SLC46A3: variants seen among roughly 807,000 people sequenced by gnomAD.
SLC46A3 encodes solute carrier family 46 member 3.
SLC46A3 carries 26 observed loss-of-function variants against 38.5 expected under a neutral mutation model. The observed-to-expected ratio is 0.68, with a 90% CI of 0.49 to 0.94. The LOEUF (loss-of-function observed/expected upper bound fraction) is 0.94, where lower values mean the gene tolerates loss of function less well. Ranked by LOEUF, SLC46A3 falls within the 40% of genes least tolerant of loss-of-function variation. The pLI is 0.00. For missense variants in SLC46A3, 510 were observed against 544.3 expected, an observed-to-expected ratio of 0.94 and a Z score of 0.63; for synonymous variants, 185 against 192.5, an observed-to-expected ratio of 0.96 and a Z score of 0.32.
At position 28,701,218 on chromosome 13, in the gene SLC46A3, A is replaced by G; in HGVS notation, c.*279T>C. On this transcript the variant is annotated 3_prime_UTR_variant, in exon 6 of 6. Transcript: ENST00000266943. ...TTCTTGATCCCTCCTTACACCCTTA[A>G]GTTTTAATGTTTCTCTTCTAAGTCT... 3 of 1,390,790 alleles carry G rather than the reference A, an allele frequency of 2.2e-6. No homozygotes were observed. The highest frequency in any genetic ancestry group is 2.8e-6 in the Non-Finnish European group (3 of 1,074,952). 86.2% of individuals were successfully genotyped at this position (1,390,790 alleles called of 1,614,324 possible). A position where few individuals can be genotyped will look rare whatever the true frequency, so the allele number is the denominator to read the frequency against.
intron 3 of SLC46A3, 157 bp downstream of exon 3, chr13:28,712,523 G>T: frequency 1.6e-6 from 1 of 614,406 alleles, no homozygotes; most frequent in Non-Finnish European, 2.4e-6. Flanking sequence ...TCGGCTTTTG[G>T]CTTATTGACT....
At position 28,701,239 on chromosome 13, in the gene SLC46A3, A is replaced by C; in HGVS notation, c.*258T>G. On this transcript the variant is annotated 3_prime_UTR_variant, in exon 6 of 6. Transcript: ENST00000266943. ...CTTAAGTTTTAATGTTTCTCTTCTAAGTCTAAAAGTGAGGCGTATTTGAAA... is the reference window on the plus strand; with the variant it reads ...CTTAAGTTTTAATGTTTCTCTTCTACGTCTAAAAGTGAGGCGTATTTGAAA... The C allele has an allele frequency of 2.2e-6, 3 of 1,389,756 alleles. No individual in the cohort carries two copies. Among genetic ancestry groups the C allele is most frequent in the Non-Finnish European group, 2.8e-6 (3 of 1,075,136 alleles). 86.1% of individuals were successfully genotyped at this position (1,389,756 alleles called of 1,614,324 possible).
intron 1 of SLC46A3, 145 bp from the exon 2 acceptor site, chr13:28,718,167 A>T: frequency 1.6e-6 from 1 of 643,124 alleles, no homozygotes; most frequent in Non-Finnish European, 2.6e-6. Context: ...ACTTTCTCAG[A>T]GAATAACTTT....
At chr13:28,701,692 A>T (rs1313030040) in intron 5 of SLC46A3, 111 bp from the exon 6 acceptor site, 1 of 958,356 alleles carries the variant, frequency 1.0e-6, no homozygotes, top group Non-Finnish European at 1.6e-6. Context: ...AATTATGCAG[A>T]TTATTAGGAG....
At chr13:28,710,893 C>T (rs956182832) in intron 3 of SLC46A3, 50 bp from the exon 4 acceptor site, 2 of 1,360,148 alleles carry the variant, frequency 1.5e-6, no homozygotes, top group Non-Finnish European at 2.1e-6. Context: ...AAGCTAATGG[C>T]CAATTTAAAA....
In SLC46A3 at chr13:28,704,064, G is replaced by A; in HGVS notation, c.1180C>T (p.Leu394Phe). 6.8e-6 allele frequency: 11 copies of A among 1,613,442 alleles called. No individual in the cohort carries two copies. The highest frequency in any genetic ancestry group is 9.3e-6 in the Non-Finnish European group (11 of 1,179,754). ...GTAGAAACTGCAGTGACTCCTCCAA[G>A]TGTTTCTAAGAAAGCAATACAAGCA... is the stretch of plus-strand genomic sequence containing the variant. Reference protein sequence around the residue: ...LFACIAFLETLGGVTAVSTFN... With the variant: ...LFACIAFLETFGGVTAVSTFN... Residue 394 changes from leucine (L) to phenylalanine (F), a missense_variant, in exon 5 of 6, where the codon CTT becomes TTT. Leu to Phe is a conservative substitution (Grantham distance 22). Transcript: ENST00000266943.
chr13:28,711,974 T>C (rs1450519911), intron 3 of SLC46A3, among the ~76,000 whole-genome samples: 1 of 152,210 alleles, frequency 6.6e-6, no homozygotes, highest in African/African-American at 2.4e-5. Context: ...CATCTAGTAC[T>C]ATAGATGGAA....
chr13:28,714,620 A>G (rs1314541151), intron 2 of SLC46A3, among the ~76,000 whole-genome samples: 3 of 152,228 alleles, frequency 2.0e-5, no homozygotes, highest in Non-Finnish European at 4.4e-5. Context: ...GTGGTGGCGT[A>G]CGCCTGTAGT....
In SLC46A3 at chr13:28,700,790, T is replaced by G. The variant is rs116997854; in HGVS notation, c.*707A>C. 5.5e-4 allele frequency: 306 copies of G among 554,214 alleles called. 1 individual carries two copies. The East Asian group carries it at 8.9e-3, about 16-fold the overall frequency. 34.3% of individuals were successfully genotyped at this position (554,214 alleles called of 1,614,324 possible). A position where few individuals can be genotyped will look rare whatever the true frequency, so the allele number is the denominator to read the frequency against. On this transcript the variant is annotated 3_prime_UTR_variant, in exon 6 of 6. Transcript: ENST00000266943. ...CCCATTACATATAGAAATATTATCA[T>G]GCCTGTCACCGATGAAACATATTAA...
chr13:28,709,824 G>C (rs942004833), intron 4 of SLC46A3, among the ~76,000 whole-genome samples: 1 of 152,170 alleles, frequency 6.6e-6, no homozygotes, highest in Non-Finnish European at 1.5e-5. Flanking sequence ...CCTCGACAAT[G>C]CCCACTCTCT....
intron 4 of SLC46A3, among the ~76,000 whole-genome samples, chr13:28,707,213 T>C (rs1368677320): frequency 2.6e-5 from 4 of 151,932 alleles, no homozygotes; most frequent in Admixed American, 6.6e-5. Context: ...TGGAATACTA[T>C]GCAGCCATAC....
At chr13:28,714,908 A>G (rs902759041) in intron 2 of SLC46A3, among the ~76,000 whole-genome samples, 3 of 152,192 alleles carry the variant, frequency 2.0e-5, no homozygotes, top group Non-Finnish European at 2.9e-5. Flanking sequence ...GATGGAAGAA[A>G]TTTTGCATGA....
At chr13:28,703,706 A>G in intron 5 of SLC46A3, 1 of 283,040 alleles carries the variant, frequency 3.5e-6, no homozygotes, top group Middle Eastern at 1.0e-3. Flanking sequence ...TTTTATTAAA[A>G]TATGAAACAC....
At chr13:28,707,409 GGGAGGGA>G (rs1170283957) in intron 4 of SLC46A3, among the ~76,000 whole-genome samples, 2 of 129,090 alleles carry the variant, frequency 1.5e-5, no homozygotes, top group Admixed American at 8.0e-5. Context: ...GTGGAGTGGG[GGGAGGGA>G]GGAGGGGGGA....
intron 5 of SLC46A3, among the ~76,000 whole-genome samples, chr13:28,702,365 T>G (rs1792074): frequency 6.6e-6 from 1 of 152,232 alleles, no homozygotes; most frequent in East Asian, 1.9e-4. Context: ...TTGGACAGTT[T>G]GGTCACTTAA....
intron 2 of SLC46A3, among the ~76,000 whole-genome samples, chr13:28,715,919 C>T (rs972619262): frequency 6.7e-6 from 1 of 149,890 alleles, no homozygotes; most frequent in East Asian, 2.0e-4. Flanking sequence ...AGACAGGAGG[C>T]TCACTTGAGG....
intron 2 of SLC46A3, among the ~76,000 whole-genome samples, chr13:28,715,297 T>C (rs760488729): frequency 1.3e-5 from 2 of 152,222 alleles, no homozygotes; most frequent in African/African-American, 4.8e-5. Context: ...GCAAAAATCT[T>C]TGACATGAGA....
intron 2 of SLC46A3, 147 bp downstream of exon 2, chr13:28,717,663 C>T: frequency 1.5e-6 from 1 of 674,544 alleles, no homozygotes; most frequent in South Asian, 2.1e-5. Context: ...GAGGTGAGTT[C>T]CCAGTAAAGG....
chr13:28,716,520 G>A (rs1227014088), intron 2 of SLC46A3, among the ~76,000 whole-genome samples: 2 of 152,022 alleles, frequency 1.3e-5, no homozygotes, highest in Admixed American at 6.6e-5. Context: ...ACTGTGAGCC[G>A]ATCGAAGCTT....
Sources: gnomAD v4.1 joint callset for allele counts (sites outside exome capture counted in the v4.1 genomes callset) on GRCh38, gnomAD v4.1.1 for gene constraint, MANE v1.5 for transcripts, NCBI Gene and HGNC (gene_info 2026-07-23, HGNC 2026-07-21) for gene names.